WDR33: variants seen among roughly 807,000 people sequenced by gnomAD.
The protein encoded by WDR33 is pre-mRNA 3' end processing protein WDR33.
Under a neutral mutation model 164.9 loss-of-function variants are expected in WDR33, and 47 were observed. That is an observed-to-expected ratio of 0.29 (90% CI 0.23 to 0.36). The LOEUF (loss-of-function observed/expected upper bound fraction) is 0.36, where lower values mean the gene tolerates loss of function less well. Ranked by LOEUF, WDR33 falls within the 10% of genes least tolerant of loss-of-function variation. WDR33 has a pLI of 1.00. For missense variants in WDR33, 1,137 were observed against 1,754.1 expected, an observed-to-expected ratio of 0.65 and a Z score of 6.28; for synonymous variants, 505 against 589.0, an observed-to-expected ratio of 0.86 and a Z score of 2.06.
In WDR33 at chr2:127,764,985, A is replaced by C. The variant is rs763928116; in HGVS notation, c.475-6T>G. 4 of 1,612,808 alleles carry C rather than the reference A, an allele frequency of 2.5e-6. No homozygotes were observed. Among genetic ancestry groups the C allele is most frequent in the Non-Finnish European group, 3.4e-6 (4 of 1,179,496 alleles). ...CTCACTGGGCTGTCGTGAGCCTGTG[A>C]AAGCAGAAAACATTAATTAGTAAGG... On this transcript the variant is annotated splice_polypyrimidine_tract_variant and splice_region_variant and intron_variant, in intron 5 of 21. Coordinates refer to ENST00000322313, the MANE Select transcript of WDR33 (RefSeq NM_018383.5). This position sits in a 1 kb window ranked among gnomAD's most constrained non-coding sequence, Gnocchi z 6.2.
chr2:127,755,309 G>A (rs755098049), intron 7 of WDR33, among the ~76,000 whole-genome samples: 2 of 152,004 alleles, frequency 1.3e-5, no homozygotes, highest in Non-Finnish European at 2.9e-5. Context: ...TAAATAGGAC[G>A]GGGCCAAGTA....
At chr2:127,727,056 C>T (rs1301120136) in intron 7 of WDR33, among the ~76,000 whole-genome samples, 5 of 152,140 alleles carry the variant, frequency 3.3e-5, no homozygotes, top group Non-Finnish European at 7.4e-5. Context: ...GGAGGCTGCA[C>T]CCCTCAAGAC....
intron 7 of WDR33, among the ~76,000 whole-genome samples, chr2:127,743,972 T>A (rs1687099451): frequency 6.6e-6 from 1 of 152,206 alleles, no homozygotes; most frequent in Non-Finnish European, 1.5e-5. Flanking sequence ...GGTAAAGGAT[T>A]GGCAGATTTT....
At position 127,763,072 on chromosome 2, in the gene WDR33, T is replaced by C. The variant is rs142791346; in HGVS notation, c.714A>G (p.Arg238=). Residue 238 remains arginine (R), a synonymous_variant, in exon 7 of 22, where the codon AGA becomes AGG. Coordinates refer to ENST00000322313, the MANE Select transcript of WDR33 (RefSeq NM_018383.5). The surrounding 1 kb of genome is among the most constrained non-coding windows in gnomAD (Gnocchi z 4.5). ...IWDFLRCHEE[R]ILRGHGADVK... is the part of the protein sequence containing the mutation. The stretch of plus-strand genomic sequence containing the variant: ...TGTTAGTACACGTACCTCGGAGAAT[T>C]CTTTCCTCATGGCAACGAAGAAAGT... 2.8e-4 allele frequency: 445 copies of C among 1,613,932 alleles called. 1 individual carries two copies. The highest frequency in any genetic ancestry group is 3.1e-4 in the Non-Finnish European group (367 of 1,179,938).
chr2:127,754,841 C>CA (rs1687475694), intron 7 of WDR33, among the ~76,000 whole-genome samples: 1 of 152,080 alleles, frequency 6.6e-6, no homozygotes, highest in Admixed American at 6.6e-5. Context: ...ATCCTACTTC[C>CA]AAAAAATATT....
chr2:127,726,758 T>C lies in WDR33; in HGVS notation c.744A>G (p.Lys248=), dbSNP rs995151355. Residue 248 remains lysine, a synonymous_variant, in exon 8 of 22, where the codon AAA becomes AAG. Coordinates refer to ENST00000322313, the MANE Select transcript of WDR33 (RefSeq NM_018383.5). This position sits in a 1 kb window ranked among gnomAD's most constrained non-coding sequence, Gnocchi z 4.8. Reference sequence around the variant, plus strand: ...CTTTGGTTGGATGCCAGTCTACACATTTCACATCAGCACCATGCCCTGTCG... The same window carrying C: ...CTTTGGTTGGATGCCAGTCTACACACTTCACATCAGCACCATGCCCTGTCG... ...RILRGHGADV[K]CVDWHPTKGL... is the part of the protein sequence containing the mutation. 1.2e-6 allele frequency: 2 copies of C among 1,614,072 alleles called. No individual in the cohort carries two copies. Among genetic ancestry groups the C allele is most frequent in the South Asian group, 1.1e-5 (1 of 91,086 alleles).
chr2:127,794,131 G>A (rs1276329089), intron 1 of WDR33, among the ~76,000 whole-genome samples: 1 of 152,012 alleles, frequency 6.6e-6, no homozygotes, highest in Non-Finnish European at 1.5e-5. Flanking sequence ...CTAGGTGACA[G>A]AGGGAGATCT....
At position 127,805,989 on chromosome 2, in the gene WDR33, T is replaced by C. The variant is rs1209648793; in HGVS notation, c.-24+5023A>G. On this transcript the variant is annotated intron_variant, in intron 1 of 21. Coordinates refer to ENST00000322313, the MANE Select transcript of WDR33 (RefSeq NM_018383.5). ...AACCGCAGGTGTGGTGGCTCACACC[T>C]GTAATCCTAGCACTTTGTGAGGCCA... 4.7e-5 allele frequency among the ~76,000 whole-genome samples: 7 copies of C among 150,518 alleles called. No homozygotes were observed. The East Asian group carries it at 1.4e-3, about 29-fold the overall frequency.
At chr2:127,728,174 A>AT (rs1299770139) in intron 7 of WDR33, among the ~76,000 whole-genome samples, 2 of 152,196 alleles carry the variant, frequency 1.3e-5, no homozygotes, top group African/African-American at 4.8e-5. Context: ...TACTGACACA[A>AT]TTTGTTTTTA....
At chr2:127,802,130 T>A (rs1049798116) in intron 1 of WDR33, among the ~76,000 whole-genome samples, 5 of 150,930 alleles carry the variant, frequency 3.3e-5, no homozygotes, top group African/African-American at 1.2e-4. Flanking sequence ...ATCACGCCAC[T>A]GCACTCCAGC....
intron 1 of WDR33, among the ~76,000 whole-genome samples, chr2:127,801,670 GT>G (rs1384563342): frequency 2.0e-5 from 3 of 152,146 alleles, no homozygotes; most frequent in Admixed American, 2.0e-4. Context: ...ATCACTTGAG[GT>G]TAGGAGTTCA....
At chr2:127,754,625 G>C (rs866941782) in intron 7 of WDR33, among the ~76,000 whole-genome samples, 2 of 59,146 alleles carry the variant, frequency 3.4e-5, no homozygotes, top group African/African-American at 1.3e-4. Flanking sequence ...GTCTCACTTT[G>C]TTGCCCAGGC....
intron 7 of WDR33, among the ~76,000 whole-genome samples, chr2:127,746,426 A>C (rs562638906): frequency 3.3e-5 from 5 of 152,114 alleles, no homozygotes; most frequent in Non-Finnish European, 7.4e-5. Flanking sequence ...TAAGTAAAAT[A>C]TGTTATTTTC....
intron 1 of WDR33, among the ~76,000 whole-genome samples, chr2:127,788,489 C>A (rs1688698421): frequency 7.5e-6 from 1 of 133,218 alleles, no homozygotes; most frequent in Non-Finnish European, 1.6e-5. Context: ...CCCCCACCTC[C>A]CTCCCGGACG....
At position 127,710,631 on chromosome 2, in the gene WDR33, G is replaced by C. The variant is rs1203444143; in HGVS notation, c.3309-775C>G. On this transcript the variant is annotated intron_variant, in intron 18 of 21. Transcript: ENST00000322313. This position sits in a 1 kb window ranked among gnomAD's most constrained non-coding sequence, Gnocchi z 4.4. ...TGGAGCCAGGAGACTACACTGACTGGGAGTATTGCTGAGGCAGAGAGGGTA... is the reference window on the plus strand; with the variant it reads ...TGGAGCCAGGAGACTACACTGACTGCGAGTATTGCTGAGGCAGAGAGGGTA... Among the ~76,000 whole-genome samples, 1 of 152,194 alleles carries C rather than the reference G, an allele frequency of 6.6e-6. No homozygotes were observed. Among genetic ancestry groups the C allele is most frequent in the Non-Finnish European group, 1.5e-5 (1 of 68,042 alleles).
intron 7 of WDR33, among the ~76,000 whole-genome samples, chr2:127,744,721 C>T (rs2105406732): frequency 6.6e-6 from 1 of 152,084 alleles, no homozygotes; most frequent in Middle Eastern, 3.4e-3. Flanking sequence ...CCACCCAATT[C>T]TTTCCTTACC....
intron 1 of WDR33, among the ~76,000 whole-genome samples, chr2:127,778,090 T>TGGAG (rs754348239): frequency 6.6e-5 from 10 of 152,140 alleles, no homozygotes; most frequent in Admixed American, 1.3e-4. Flanking sequence ...GGCCAGGAGT[T>TGGAG]GGAGACAAGC....
rs1686509440 is a variant in WDR33 at position 127,724,221 on chromosome 2, G to A, written c.1196+112C>T. 2.7e-6 allele frequency: 2 copies of A among 750,988 alleles called. No individual in the cohort carries two copies. The highest frequency in any genetic ancestry group is 2.2e-5 in the South Asian group (1 of 44,676). 46.5% of individuals were successfully genotyped at this position (750,988 alleles called of 1,614,324 possible). ...TAAACCACTACAAAAATATTCCCAA[G>A]AATAAGTTGGAATATAAATTACTAT... On this transcript the variant is annotated intron_variant, in intron 11 of 21. Coordinates refer to ENST00000322313, the MANE Select transcript of WDR33 (RefSeq NM_018383.5). This position sits in a 1 kb window ranked among gnomAD's most constrained non-coding sequence, Gnocchi z 4.8.
chr2:127,747,983 G>A (rs1423714119), intron 7 of WDR33, among the ~76,000 whole-genome samples: 1 of 152,128 alleles, frequency 6.6e-6, no homozygotes, highest in Non-Finnish European at 1.5e-5. Flanking sequence ...CAAGACCATG[G>A]CAAAGTGAGA....
Sources: allele counts gnomAD v4.1 joint callset (sites outside exome capture counted in the v4.1 genomes callset), GRCh38; gene constraint gnomAD v4.1.1; non-coding constraint Gnocchi (gnomAD v3.1); transcripts MANE v1.5; gene names NCBI Gene and HGNC (gene_info 2026-07-23, HGNC 2026-07-21).